The following POLA1 variants were observed in gnomAD, a reference collection of about 807,000 sequenced individuals.
POLA1 encodes DNA polymerase alpha 1, catalytic subunit, also known as DNA polymerase alpha catalytic subunit.
Under a neutral mutation model 124.0 loss-of-function variants are expected in POLA1, and 15 were observed. The observed-to-expected ratio is 0.12, with a 90% confidence interval of 0.08 to 0.19. The LOEUF is 0.19. POLA1 is among the 10% of genes least tolerant of loss of function. The pLI, the probability that POLA1 is intolerant of heterozygous loss-of-function variation, is 1.00. For missense variants in POLA1, 886 were observed against 1,103.4 expected (o/e 0.80, Z 2.79); for synonymous variants, 408 against 389.4 (o/e 1.05, Z -0.56).
intron 36 of POLA1, among the ~76,000 whole-genome samples, chrX:24,976,275 A>G (rs1270836080): frequency 8.9e-6 from 1 of 112,101 alleles, no homozygotes; most frequent in South Asian, 3.7e-4. Context: ...ACAGCCCCAA[A>G]GCAAGCTCAA....
intron 36 of POLA1, among the ~76,000 whole-genome samples, chrX:24,952,243 T>C (rs1384877040): frequency 8.9e-6 from 1 of 112,331 alleles, no homozygotes; most frequent in African/African-American, 3.2e-5. Context: ...TTAGTAATTT[T>C]ACTCCCATAA....
chrX:24,709,228 T>C (rs1291728017), intron 4 of POLA1, among the ~76,000 whole-genome samples: 2 of 95,957 alleles, frequency 2.1e-5, no homozygotes, highest in African/African-American at 4.4e-5. Flanking sequence ...ACAGGGCGGC[T>C]GGCCGGGCGG....
At chrX:24,865,478 A>G (rs1224039028) in intron 34 of POLA1, among the ~76,000 whole-genome samples, 5 of 112,102 alleles carry the variant, frequency 4.5e-5, no homozygotes, top group African/African-American at 1.3e-4. Flanking sequence ...ATATTGCTAA[A>G]TGTCTCTTTT....
chrX:24,942,357 A>G (rs1454853221), intron 36 of POLA1, among the ~76,000 whole-genome samples: 1 of 111,786 alleles, frequency 8.9e-6, no homozygotes, highest in Non-Finnish European at 1.9e-5. Context: ...CTATTAGGGA[A>G]ACTTCAGCCT....
At chrX:24,719,179 G>GGAGT (rs1930041549) in intron 10 of POLA1, among the ~76,000 whole-genome samples, 1 of 110,547 alleles carries the variant, frequency 9.0e-6, no homozygotes, top group Admixed American at 9.7e-5. Context: ...GAAAAGAGAG[G>GGAGT]GAGTACCTAG....
chrX:24,725,911 A>G (rs1329003036), intron 12 of POLA1, 70 bp from the exon 13 acceptor site: 1 of 630,861 alleles, frequency 1.6e-6, no homozygotes. Context: ...ATACAAGAGC[A>G]TGTATTGTAA....
At position 24,990,237 on chromosome X, in the gene POLA1, T is replaced by G. The variant is rs144880670; in HGVS notation, c.4262-5568T>G. 1.1e-3 allele frequency among the ~76,000 whole-genome samples: 122 copies of G among 112,633 alleles called. No individual in the cohort carries two copies. In the East Asian group the frequency reaches 0.031, roughly 29 times the overall value. ...ATCAATGGATTCTAAATGGTTTTGA[T>G]ATTTCTTTTTGTCCTTTCCCATGAA... On this transcript the variant is annotated intron_variant, in intron 36 of 36. Transcript: ENST00000379068.
chrX:24,756,117 A>G (rs1932586676), intron 26 of POLA1, among the ~76,000 whole-genome samples: 1 of 112,000 alleles, frequency 8.9e-6, no homozygotes, highest in Non-Finnish European at 1.9e-5. Flanking sequence ...CTGGCTCTTT[A>G]CAGAAAAAGC....
At chrX:24,977,801 C>G (rs2048381936) in intron 36 of POLA1, among the ~76,000 whole-genome samples, 1 of 111,933 alleles carries the variant, frequency 8.9e-6, no homozygotes, top group Admixed American at 9.5e-5. Flanking sequence ...AGAGGATTAG[C>G]TGGCTTCGGG....
At chrX:24,876,170 A>G (rs1259619303) in intron 34 of POLA1, among the ~76,000 whole-genome samples, 1 of 112,287 alleles carries the variant, frequency 8.9e-6, no homozygotes, top group East Asian at 2.8e-4. Context: ...ATCTCTGAGT[A>G]TAAAGTGGTT....
intron 36 of POLA1, among the ~76,000 whole-genome samples, chrX:24,956,864 A>G (rs2048112595): frequency 8.9e-6 from 1 of 112,585 alleles, no homozygotes. Context: ...AAAGTATGAA[A>G]CTAAGAAAAT....
intron 2 of POLA1, among the ~76,000 whole-genome samples, chrX:24,702,069 T>A (rs1027588395): frequency 1.9e-5 from 2 of 103,532 alleles, no homozygotes; most frequent in Admixed American, 1.0e-4. Context: ...TCAGGTACTT[T>A]TTTTTTTTTT....
chrX:24,926,039 G>GTTT (rs770513358), intron 35 of POLA1, among the ~76,000 whole-genome samples: 1 of 100,554 alleles, frequency 9.9e-6, no homozygotes, highest in Admixed American at 1.1e-4. Flanking sequence ...TCTACTAAAA[G>GTTT]TTTTTTTTTT....
Position 24,996,005 on chromosome X carries a change from G to C in POLA1, c.*55G>C. 9.4e-7 allele frequency: 1 copy of C among 1,068,873 alleles called. No homozygotes were observed. Among genetic ancestry groups the C allele is most frequent in the Non-Finnish European group, 1.3e-6 (1 of 773,863 alleles). The allele number at this position is 1,068,873 out of a possible 1,213,427, so 88.1% of individuals were successfully genotyped here. On this transcript the variant is annotated 3_prime_UTR_variant, in exon 37 of 37. Transcript: ENST00000379068. ...TAGTTGAAAAATCCCAGCTTCCTCT[G>C]TGCCTCCACTCTGGCCCTAAATGCT...
At chrX:24,726,906 A>T in intron 13 of POLA1, 27 bp from the exon 14 acceptor site, 1 of 1,129,319 alleles carries the variant, frequency 8.9e-7, no homozygotes, top group Non-Finnish European at 1.2e-6. Context: ...TTAAACAAAA[A>T]GATTCTTTTT....
chrX:24,884,600 C>G (rs1273302114), intron 34 of POLA1, among the ~76,000 whole-genome samples: 3 of 112,072 alleles, frequency 2.7e-5, no homozygotes, highest in Non-Finnish European at 5.6e-5. Context: ...GGGCCTATTT[C>G]CTACATAGAA....
intron 23 of POLA1, among the ~76,000 whole-genome samples, chrX:24,744,961 AT>A (rs1167983595): frequency 3.6e-5 from 3 of 82,533 alleles, no homozygotes; most frequent in Non-Finnish European, 6.6e-5. Flanking sequence ...AAAAAAAAAA[AT>A]AAAAATAAAA....
In POLA1 at chrX:24,721,229, G is replaced by A. The variant is rs1930179419; in HGVS notation, c.1088-1926G>A. ...ATTTCTGGTGCTGGAGAAGGCCTCA[G>A]AGATCATCTAGTCTAGTTATGCACT... On this transcript the variant is annotated intron_variant, in intron 10 of 36. Coordinates refer to ENST00000379068, the MANE Select transcript of POLA1 (RefSeq NM_001330360.2). 1.8e-5 allele frequency among the ~76,000 whole-genome samples: 2 copies of A among 112,584 alleles called. 1 individual carries two copies. The highest frequency in any genetic ancestry group is 7.3e-4 in the South Asian group (2 of 2,732).
intron 34 of POLA1, among the ~76,000 whole-genome samples, chrX:24,872,585 C>T (rs2046880042): frequency 9.0e-6 from 1 of 111,450 alleles, no homozygotes; most frequent in Non-Finnish European, 1.9e-5. Flanking sequence ...ACCCACCAGT[C>T]CTACCGGTTT....
Sources: allele counts gnomAD v4.1 joint callset (sites outside exome capture counted in the v4.1 genomes callset), GRCh38; gene constraint gnomAD v4.1.1; transcripts MANE v1.5; gene names NCBI Gene and HGNC (gene_info 2026-07-23, HGNC 2026-07-21).